Variants in CSMD1 observed in about 807,000 individuals in gnomAD.
CSMD1 encodes the protein CUB and Sushi multiple domains 1, also known as CUB and sushi domain-containing protein 1.
A neutral mutation model predicts 417.5 loss-of-function variants in CSMD1; 213 were observed. The observed-to-expected ratio is 0.51, with a 90% CI of 0.46 to 0.57. The LOEUF is 0.57. Among genes scored for constraint, CSMD1 ranks in the 20% least tolerant of loss-of-function variants. The probability of loss-of-function intolerance (pLI) is 0.00; values close to 1 mark genes in which losing one functional copy is unlikely to be tolerated. For missense variants in CSMD1, 6,923 were observed against 4,529.7 expected (o/e 1.53, Z -15.17); for synonymous variants, 2,862 against 1,736.8 (o/e 1.65, Z -16.11).
intron 1 of CSMD1, among the ~76,000 whole-genome samples, chr8:4,638,499 CGAG>C (rs1404655470): frequency 6.6e-6 from 1 of 152,116 alleles, no homozygotes; most frequent in Non-Finnish European, 1.5e-5. Flanking sequence ...CTCAGCAAAA[CGAG>C]GACTGTAACA....
chr8:3,658,196 G>T (rs17063131), intron 7 of CSMD1, among the ~76,000 whole-genome samples: 6,444 of 152,058 alleles, frequency 0.042, 140 homozygotes, highest in Middle Eastern at 0.092. Context: ...TATGTAAACT[G>T]TATTCAAATA....
At chr8:3,811,439 G>C (rs551752391) in intron 5 of CSMD1, among the ~76,000 whole-genome samples, 4 of 152,276 alleles carry the variant, frequency 2.6e-5, no homozygotes, top group Non-Finnish European at 4.4e-5. Context: ...CTTACTGGGA[G>C]TGGGCATGGA....
intron 26 of CSMD1, among the ~76,000 whole-genome samples, chr8:3,250,590 G>C (rs553071041): frequency 6.6e-6 from 1 of 152,260 alleles, no homozygotes; most frequent in South Asian, 2.1e-4. Context: ...GGGATGGCTG[G>C]GTCAAATGGT....
At chr8:3,946,505 T>G (rs1007688236) in intron 5 of CSMD1, among the ~76,000 whole-genome samples, 3 of 152,170 alleles carry the variant, frequency 2.0e-5, no homozygotes, top group Non-Finnish European at 4.4e-5. Context: ...TATTGACTAT[T>G]CTAGGCCCTT....
At chr8:4,339,868 T>TA (rs896353039) in intron 3 of CSMD1, among the ~76,000 whole-genome samples, 2 of 151,920 alleles carry the variant, frequency 1.3e-5, no homozygotes, top group Non-Finnish European at 2.9e-5. Context: ...TACAAAAACT[T>TA]AAAAAAATTA....
rs1584937404 is a variant in CSMD1 at position 4,162,783 on chromosome 8, T to A, written c.416-130684A>T. Among the ~76,000 whole-genome samples, 3 of 152,162 alleles carry A rather than the reference T, an allele frequency of 2.0e-5. No individual in the cohort carries two copies. In the East Asian group the frequency reaches 5.8e-4, roughly 29 times the overall value. ...CCAAACCCCCAGTTTACAATAGGGTTCACTCTTGGTATTGTACATGCTATG... is the reference window on the plus strand; with the variant it reads ...CCAAACCCCCAGTTTACAATAGGGTACACTCTTGGTATTGTACATGCTATG... On this transcript the variant is annotated intron_variant, in intron 3 of 69. Coordinates refer to ENST00000635120, the MANE Select transcript of CSMD1 (RefSeq NM_033225.6).
chr8:3,146,592 C>T (rs1818857598), intron 40 of CSMD1, among the ~76,000 whole-genome samples: 1 of 152,150 alleles, frequency 6.6e-6, no homozygotes. Context: ...AAATTGTGAG[C>T]AACCACAGCT....
At chr8:4,884,089 T>C (rs1803575817) in intron 1 of CSMD1, among the ~76,000 whole-genome samples, 1 of 152,056 alleles carries the variant, frequency 6.6e-6, no homozygotes, top group Non-Finnish European at 1.5e-5. Context: ...GCAAATGATA[T>C]TGAACAAATT....
intron 1 of CSMD1, among the ~76,000 whole-genome samples, chr8:4,950,107 T>G (rs901950735): frequency 9.1e-6 from 1 of 109,784 alleles, no homozygotes; most frequent in Non-Finnish European, 2.1e-5. Context: ...AACATAGAAA[T>G]GTTTCATATG....
intron 52 of CSMD1, among the ~76,000 whole-genome samples, chr8:3,012,651 AT>A (rs1808488928): frequency 6.6e-6 from 1 of 152,236 alleles, no homozygotes; most frequent in South Asian, 2.1e-4. Context: ...AGGGAAGTTA[AT>A]CTAAAGAACC....
chr8:4,736,220 T>A (rs907549807), intron 1 of CSMD1, among the ~76,000 whole-genome samples: 2 of 152,182 alleles, frequency 1.3e-5, no homozygotes, highest in Non-Finnish European at 1.5e-5. Context: ...GGAAAAATGC[T>A]GTAAAAAATT....
intron 20 of CSMD1, among the ~76,000 whole-genome samples, chr8:3,364,832 C>T (rs1032475255): frequency 6.6e-6 from 1 of 152,160 alleles, no homozygotes; most frequent in African/African-American, 2.4e-5. Flanking sequence ...ATTATCTAGT[C>T]TCAGGTATGC....
intron 6 of CSMD1, among the ~76,000 whole-genome samples, chr8:3,751,515 T>G (rs1333685397): frequency 1.3e-5 from 2 of 149,208 alleles, no homozygotes; most frequent in Non-Finnish European, 1.5e-5. Flanking sequence ...TAATTATAAT[T>G]TATGCTTCTA....
chr8:3,612,308 A>G (rs1443286352), intron 8 of CSMD1, among the ~76,000 whole-genome samples: 1 of 152,172 alleles, frequency 6.6e-6, no homozygotes, highest in African/African-American at 2.4e-5. Context: ...TACATGAAGC[A>G]AAAACTGATA....
intron 1 of CSMD1, among the ~76,000 whole-genome samples, chr8:4,668,252 C>G (rs961171471): frequency 2.0e-5 from 3 of 151,986 alleles, no homozygotes; most frequent in Admixed American, 1.3e-4. Flanking sequence ...AAAGCCCAAA[C>G]CACAAACCCA....
At chr8:4,742,633 G>A (rs1452388504) in intron 1 of CSMD1, among the ~76,000 whole-genome samples, 1 of 151,950 alleles carries the variant, frequency 6.6e-6, no homozygotes, top group Non-Finnish European at 1.5e-5. Flanking sequence ...CTTCTATTAT[G>A]CTTGGAATCC....
chr8:3,260,528 T>G (rs1388648284), intron 26 of CSMD1, among the ~76,000 whole-genome samples: 3 of 152,018 alleles, frequency 2.0e-5, no homozygotes, highest in Non-Finnish European at 4.4e-5. Context: ...CCTCATTTCA[T>G]TTCTGAAAAT....
chr8:3,482,498 A>G (rs999475179), intron 11 of CSMD1, among the ~76,000 whole-genome samples: 2 of 152,222 alleles, frequency 1.3e-5, no homozygotes, highest in Non-Finnish European at 2.9e-5. Context: ...TACAAACCAA[A>G]TATCAGAGCT....
At chr8:3,646,377 A>G (rs1797572495) in intron 7 of CSMD1, among the ~76,000 whole-genome samples, 1 of 152,186 alleles carries the variant, frequency 6.6e-6, no homozygotes, top group Non-Finnish European at 1.5e-5. Flanking sequence ...TTTTCTATGC[A>G]TGCATTGCTT....
Sources: gnomAD v4.1 joint callset for allele counts (sites outside exome capture counted in the v4.1 genomes callset) on GRCh38, gnomAD v4.1.1 for gene constraint, MANE v1.5 for transcripts, NCBI Gene and HGNC (gene_info 2026-07-23, HGNC 2026-07-21) for gene names.